The following ASAP1 variants were observed in gnomAD, a reference collection of about 807,000 sequenced individuals.
ASAP1 encodes the protein arf-GAP with SH3 domain, ANK repeat and PH domain-containing protein 1.
In ASAP1, 43 loss-of-function variants were observed where a neutral mutation model predicts 145.2. The observed-to-expected ratio is 0.30, with a 90% confidence interval of 0.23 to 0.38. The LOEUF (loss-of-function observed/expected upper bound fraction) is 0.38. Ranked by LOEUF, ASAP1 falls within the 10% of genes least tolerant of loss-of-function variation. The probability of loss-of-function intolerance (pLI) is 1.00; values close to 1 mark genes in which losing one functional copy is unlikely to be tolerated. For synonymous variants in ASAP1, 546 were observed against 515.5 expected (o/e 1.06, Z -0.80); for missense variants, 1,018 against 1,355.3 (o/e 0.75, Z 3.91).
chr8:130,363,446 G>C (rs1826808707), intron 2 of ASAP1, among the ~76,000 whole-genome samples: 1 of 152,150 alleles, frequency 6.6e-6, no homozygotes, highest in Non-Finnish European at 1.5e-5. Flanking sequence ...CAGACACTTT[G>C]CTAAGTATAG....
At chr8:130,179,055 A>G (rs1432732393) in intron 9 of ASAP1, 4 of 439,110 alleles carry the variant, frequency 9.1e-6, no homozygotes, top group African/African-American at 4.1e-5. Flanking sequence ...TAAGGAAGAC[A>G]ATATTTTTAA....
intron 2 of ASAP1, among the ~76,000 whole-genome samples, chr8:130,364,068 A>T (rs929977413): frequency 2.6e-5 from 4 of 152,168 alleles, no homozygotes; most frequent in African/African-American, 4.8e-5. Flanking sequence ...ATAATAATTA[A>T]AAAAAGCCAA....
chr8:130,356,755 T>C (rs925218385), intron 3 of ASAP1, among the ~76,000 whole-genome samples: 1 of 152,078 alleles, frequency 6.6e-6, no homozygotes, highest in African/African-American at 2.4e-5. Flanking sequence ...CTCCTAAAAT[T>C]TGGGATCCCT....
intron 11 of ASAP1, among the ~76,000 whole-genome samples, chr8:130,164,582 G>C (rs564013467): frequency 6.6e-6 from 1 of 152,044 alleles, no homozygotes; most frequent in African/African-American, 2.4e-5. Flanking sequence ...CAGAGACTCC[G>C]TCTCAAAAAA....
chr8:130,295,149 G>A (rs1385342917), intron 3 of ASAP1, among the ~76,000 whole-genome samples: 1 of 151,992 alleles, frequency 6.6e-6, no homozygotes, highest in Admixed American at 6.6e-5. Context: ...CAGGTGTGGT[G>A]GCATGCACCT....
chr8:130,352,650 C>T (rs960688210), intron 3 of ASAP1, among the ~76,000 whole-genome samples: 9 of 152,134 alleles, frequency 5.9e-5, no homozygotes, highest in South Asian at 2.1e-4. Context: ...ACTGGCTGTA[C>T]GACCTAGCTG....
chr8:130,116,817 A>G, intron 21 of ASAP1, 63 bp downstream of exon 21: 1 of 1,579,800 alleles, frequency 6.3e-7, no homozygotes, highest in Non-Finnish European at 8.7e-7. Context: ...ACAATAATCA[A>G]ATTACAATGT....
Position 130,167,573 on chromosome 8 carries a change from T to C in ASAP1, c.872A>G (p.Asp291Gly). 6.2e-7 allele frequency: 1 copy of C among 1,613,892 alleles called. No individual in the cohort carries two copies. Among genetic ancestry groups the C allele is most frequent in the Non-Finnish European group, 8.5e-7 (1 of 1,179,794 alleles). Residue 291 changes from aspartate (D) to glycine (G), a missense_variant, in exon 11 of 30, where the codon GAC becomes GGC. Asp to Gly is a moderately conservative substitution (Grantham distance 94). Transcript: ENST00000518721. ...EEKKQLTALR[D>G]LIKSSLQLDQ... ...CAGTTGAAGAGAGGATTTTATTAAGTCTCGGAGTGCAGTTAGCTGTTTCTT... is the reference window on the plus strand; with the variant it reads ...CAGTTGAAGAGAGGATTTTATTAAGCCTCGGAGTGCAGTTAGCTGTTTCTT...
At position 130,400,450 on chromosome 8, in the gene ASAP1, A is replaced by T. The variant is rs1016202532; in HGVS notation, c.59+1435T>A. Among the ~76,000 whole-genome samples, 3 of 151,962 alleles carry T rather than the reference A, an allele frequency of 2.0e-5. No individual in the cohort carries two copies. The South Asian group carries it at 6.2e-4, about 32-fold the overall frequency. ...AGTATTCCCAGCTGCAAAATGGAAT[A>T]AATCATATCTCTACCTCTCCCAAGA... On this transcript the variant is annotated intron_variant, in intron 2 of 29. Transcript: ENST00000518721.
intron 24 of ASAP1, among the ~76,000 whole-genome samples, chr8:130,092,776 A>G (rs2097508284): frequency 6.6e-6 from 1 of 152,178 alleles, no homozygotes; most frequent in South Asian, 2.1e-4. Flanking sequence ...AACCTACTGA[A>G]GGAGAAATCA....
At chr8:130,096,558 A>G (rs1486673736) in intron 24 of ASAP1, among the ~76,000 whole-genome samples, 1 of 152,220 alleles carries the variant, frequency 6.6e-6, no homozygotes, top group African/African-American at 2.4e-5. Context: ...TCTTAAAAAC[A>G]TGGGTCTAGC....
chr8:130,365,441 T>C (rs1189264705), intron 2 of ASAP1, among the ~76,000 whole-genome samples: 1 of 152,210 alleles, frequency 6.6e-6, no homozygotes, highest in African/African-American at 2.4e-5. Context: ...AAAAAAATCA[T>C]GGTGTTTTAT....
In ASAP1 at chr8:130,136,962, T is replaced by G; in HGVS notation, c.1157A>C (p.Asp386Ala). 6.2e-7 allele frequency: 1 copy of G among 1,614,156 alleles called. No homozygotes were observed. Among genetic ancestry groups the G allele is most frequent in the Non-Finnish European group, 8.5e-7 (1 of 1,179,986 alleles). Residue 386 changes from aspartate to alanine, a missense_variant, in exon 14 of 30, where the codon GAC becomes GCC. Physicochemically the swap from Asp to Ala is moderately radical, Grantham distance 126. Around this residue, in one of 9 missense-constraint regions of ASAP1, gnomAD observed 153 missense variants for 221.6 expected, o/e 0.69. Transcript: ENST00000518721. The part of the protein sequence containing the change: ...KPNAEDKKSF[D>A]LISHNRTYHF... ...GAAAAAGGACTCACGTGATATCAGG[T>G]CAAAAGATTTTTTGTCTTCGGCATT...
At chr8:130,228,695 T>C (rs1414127377) in intron 4 of ASAP1, among the ~76,000 whole-genome samples, 1 of 122,800 alleles carries the variant, frequency 8.1e-6, no homozygotes, top group Non-Finnish European at 1.7e-5. Flanking sequence ...AGTGAGACCC[T>C]GTCTTAAAAA....
intron 11 of ASAP1, among the ~76,000 whole-genome samples, chr8:130,160,287 C>T (rs569184533): frequency 6.6e-6 from 1 of 152,198 alleles, no homozygotes; most frequent in South Asian, 2.1e-4. Context: ...TTTACACTAG[C>T]GGCAGAGGCA....
intron 2 of ASAP1, among the ~76,000 whole-genome samples, chr8:130,387,658 G>GAA (rs35915232): frequency 0.11 from 11,428 of 107,416 alleles, 569 homozygotes; most frequent in African/African-American, 0.17. Context: ...CTCCATCTCA[G>GAA]AAAAAAAAAA....
intron 1 of ASAP1, among the ~76,000 whole-genome samples, chr8:130,414,906 G>A (rs575543883): frequency 5.5e-4 from 83 of 152,112 alleles, no homozygotes; most frequent in Middle Eastern, 3.4e-3. Context: ...ATGGGCATAC[G>A]CCACCACAGC....
chr8:130,316,994 G>A (rs1823700641), intron 3 of ASAP1, among the ~76,000 whole-genome samples: 1 of 152,012 alleles, frequency 6.6e-6, no homozygotes, highest in Admixed American at 6.5e-5. Context: ...TGTCAGTACA[G>A]GCTATGCTGT....
intron 1 of ASAP1, among the ~76,000 whole-genome samples, chr8:130,417,856 C>T (rs1294085162): frequency 6.6e-6 from 1 of 152,234 alleles, no homozygotes; most frequent in Non-Finnish European, 1.5e-5. Flanking sequence ...TCAGCAATCC[C>T]TGCAGGAAAG....
Sources: allele counts gnomAD v4.1 joint callset (sites outside exome capture counted in the v4.1 genomes callset), GRCh38; gene constraint gnomAD v4.1.1; regional missense constraint gnomAD v4.1.1; transcripts MANE v1.5; gene names NCBI Gene and HGNC (gene_info 2026-07-23, HGNC 2026-07-21).